SPIRE1: variants seen among roughly 807,000 people sequenced by gnomAD.
SPIRE1 encodes the protein spire type actin nucleation factor 1, also known as protein spire homolog 1.
SPIRE1 carries 40 observed loss-of-function variants against 94.1 expected under a neutral mutation model. The ratio of observed to expected loss-of-function variants is 0.43; its 90% CI spans 0.33 to 0.55. The LOEUF (loss-of-function observed/expected upper bound fraction) is 0.55. Ranked by LOEUF, SPIRE1 falls within the 20% of genes least tolerant of loss-of-function variation. The pLI, the probability that SPIRE1 is intolerant of heterozygous loss-of-function variation, is 0.06. For missense variants in SPIRE1, 838 were observed against 975.2 expected (o/e 0.86, Z 1.87); for synonymous variants, 376 against 371.7 (o/e 1.01, Z -0.13).
At chr18:12,558,889 C>A (rs186480172) in intron 2 of SPIRE1, among the ~76,000 whole-genome samples, 1 of 152,314 alleles carries the variant, frequency 6.6e-6, no homozygotes, top group African/African-American at 2.4e-5. Context: ...GAGCTAGACA[C>A]AGAGTGCTGA....
chr18:12,656,246 T>C (rs2038534872), intron 1 of SPIRE1, among the ~76,000 whole-genome samples: 1 of 151,534 alleles, frequency 6.6e-6, no homozygotes, highest in Non-Finnish European at 1.5e-5. Flanking sequence ...TTTAATACAC[T>C]ATAAATTATA....
chr18:12,569,480 G>A (rs927260421), intron 2 of SPIRE1, among the ~76,000 whole-genome samples: 4 of 151,960 alleles, frequency 2.6e-5, no homozygotes, highest in Admixed American at 6.6e-5. Context: ...CTAGTTCTTC[G>A]GACACCATCT....
chr18:12,498,182 C>T (rs2033527734), intron 6 of SPIRE1, among the ~76,000 whole-genome samples: 1 of 152,176 alleles, frequency 6.6e-6, no homozygotes, highest in African/African-American at 2.4e-5. Flanking sequence ...TGGAGCACTT[C>T]AGATGTCCAG....
chr18:12,657,384 C>G (rs1448551203), intron 1 of SPIRE1, 146 bp downstream of exon 1: 2 of 621,340 alleles, frequency 3.2e-6, no homozygotes, highest in East Asian at 7.5e-5. Flanking sequence ...TCCTCCCCTG[C>G]GGGTCCCCGC....
chr18:12,471,138 C>T (rs1193150920), intron 10 of SPIRE1, among the ~76,000 whole-genome samples: 1 of 148,310 alleles, frequency 6.7e-6, no homozygotes, highest in East Asian at 2.0e-4. Context: ...CCAAGATAGG[C>T]TAGCAAAGGT....
At position 12,450,038 on chromosome 18, in the gene SPIRE1, A is replaced by C. The variant is rs1036298790; in HGVS notation, c.2013-142T>G. The C allele has an allele frequency of 8.7e-6, 8 of 924,772 alleles. No individual in the cohort carries two copies. The South Asian group carries it at 1.3e-4, about 15-fold the overall frequency. The allele number at this position is 924,772 out of a possible 1,614,324, so 57.3% of individuals were successfully genotyped here. A position where few individuals can be genotyped will look rare whatever the true frequency, so the allele number is the denominator to read the frequency against. ...TGATTTAATCATATGTCCTTCTAAA[A>C]AAATTTCTTATTGGTGACAAGGCTA... On this transcript the variant is annotated intron_variant, in intron 16 of 16. Transcript: ENST00000409402.
intron 6 of SPIRE1, among the ~76,000 whole-genome samples, chr18:12,499,976 G>A (rs1399232627): frequency 6.6e-6 from 1 of 152,160 alleles, no homozygotes; most frequent in Middle Eastern, 3.2e-3. Flanking sequence ...GTCCTTTGCA[G>A]CAACATGGAT....
chr18:12,581,000 G>A (rs1463356199), intron 2 of SPIRE1, among the ~76,000 whole-genome samples: 1 of 152,154 alleles, frequency 6.6e-6, no homozygotes, highest in Non-Finnish European at 1.5e-5. Context: ...CCCATGGGTG[G>A]AGAGTATGTA....
rs532551491 is a variant in SPIRE1 at position 12,541,807 on chromosome 18, A to G, written c.603+4867T>C. On this transcript the variant is annotated intron_variant, in intron 3 of 16. Transcript: ENST00000409402. ...TTTTAGGCTAGTACAATCCACAGAAATACAGTGTGAGCCATGTATGTAGTT... is the reference window on the plus strand; with the variant it reads ...TTTTAGGCTAGTACAATCCACAGAAGTACAGTGTGAGCCATGTATGTAGTT... Among the ~76,000 whole-genome samples the G allele has an allele frequency of 5.3e-5, 8 of 152,228 alleles. No homozygotes were observed. The South Asian group carries it at 6.2e-4, about 12-fold the overall frequency.
intron 1 of SPIRE1, among the ~76,000 whole-genome samples, chr18:12,637,358 CAAAA>C (rs55649398): frequency 3.9e-5 from 4 of 101,824 alleles, no homozygotes; most frequent in Admixed American, 1.1e-4. Flanking sequence ...GACTCTGTCT[CAAAA>C]AAAAAAAAAA....
In SPIRE1 at chr18:12,512,503, T is replaced by C; in HGVS notation, c.758A>G (p.Lys253Arg). 1 of 1,612,012 alleles carries C rather than the reference T, an allele frequency of 6.2e-7. No individual in the cohort carries two copies. Among genetic ancestry groups the C allele is most frequent in the South Asian group, 1.1e-5 (1 of 90,808 alleles). ...CAAGTCTGTGCTAGATTCATCGCTCTTTTCCATTTCTTGAATCTTCTTAAG... is the reference window on the plus strand; with the variant it reads ...CAAGTCTGTGCTAGATTCATCGCTCCTTTCCATTTCTTGAATCTTCTTAAG... ...ENLKKIQEMEKSDESSTDLEE... is the reference protein window; with the variant it reads ...ENLKKIQEMERSDESSTDLEE... The change falls in exon 5 of 17, where the codon AAG (lysine) becomes AGG (arginine). Residue 253 changes from lysine to arginine, a missense_variant. Transcript: ENST00000409402.
At chr18:12,613,656 T>C (rs1276021275) in intron 2 of SPIRE1, among the ~76,000 whole-genome samples, 5 of 152,202 alleles carry the variant, frequency 3.3e-5, no homozygotes, top group African/African-American at 1.2e-4. Context: ...TCCCAGCACT[T>C]TGGAAGGCCA....
At chr18:12,645,958 C>T (rs559129821) in intron 1 of SPIRE1, among the ~76,000 whole-genome samples, 4 of 152,306 alleles carry the variant, frequency 2.6e-5, no homozygotes, top group East Asian at 3.9e-4. Flanking sequence ...TTTAACCTCA[C>T]GTGCCAACTC....
At chr18:12,465,459 T>C (rs2032053190) in intron 10 of SPIRE1, among the ~76,000 whole-genome samples, 1 of 152,196 alleles carries the variant, frequency 6.6e-6, no homozygotes, top group Non-Finnish European at 1.5e-5. Flanking sequence ...GGCCTGAGCA[T>C]GTTTCTTATC....
intron 12 of SPIRE1, among the ~76,000 whole-genome samples, chr18:12,458,683 T>TA (rs1348602760): frequency 6.6e-6 from 1 of 152,152 alleles, no homozygotes; most frequent in Non-Finnish European, 1.5e-5. Context: ...TATATGGCCT[T>TA]AGTGTTCAGA....
In SPIRE1 at chr18:12,657,856, G is replaced by T. The variant is rs577954522; in HGVS notation, c.11C>A (p.Ala4Glu). MAQAAGPAGGGEPR... is the reference protein window; with the variant it reads MAQEAGPAGGGEPR... ...CTCCCCGCCGCCCGCCGGGCCAGCC[G>T]CCTGAGCCATCCCGCGGGTGGGCGC... Residue 4 changes from alanine (A) to glutamate (E), a missense_variant, in exon 1 of 17, where the codon GCG (alanine) becomes GAG (glutamate). Transcript: ENST00000409402. 2 of 1,093,316 alleles carry T rather than the reference G, an allele frequency of 1.8e-6. No homozygotes were observed. The highest frequency in any genetic ancestry group is 2.2e-6 in the Non-Finnish European group (2 of 903,140). 67.7% of individuals were successfully genotyped at this position (1,093,316 alleles called of 1,614,324 possible). A position where few individuals can be genotyped will look rare whatever the true frequency, so the allele number is the denominator to read the frequency against.
intron 2 of SPIRE1, among the ~76,000 whole-genome samples, chr18:12,602,468 G>A (rs1310746332): frequency 6.6e-6 from 1 of 152,192 alleles, no homozygotes; most frequent in Non-Finnish European, 1.5e-5. Flanking sequence ...GGTGCTGGGA[G>A]TTCACCCTTT....
intron 2 of SPIRE1, among the ~76,000 whole-genome samples, chr18:12,599,864 T>C (rs367750772): frequency 3.3e-5 from 5 of 152,100 alleles, no homozygotes; most frequent in Non-Finnish European, 7.4e-5. Flanking sequence ...GACTCCTCCC[T>C]TTGAGTCTAG....
intron 2 of SPIRE1, among the ~76,000 whole-genome samples, chr18:12,575,596 C>G (rs2036074622): frequency 6.6e-6 from 1 of 152,174 alleles, no homozygotes; most frequent in African/African-American, 2.4e-5. Flanking sequence ...GCTGGGATTA[C>G]AGGCATGAAC....
Sources: allele counts gnomAD v4.1 joint callset (sites outside exome capture counted in the v4.1 genomes callset), GRCh38; gene constraint gnomAD v4.1.1; transcripts MANE v1.5; gene names NCBI Gene and HGNC (gene_info 2026-07-23, HGNC 2026-07-21).